Variants in SHISAL1 observed in about 807,000 individuals in gnomAD.
SHISAL1 encodes the protein protein shisa-like-1.
A neutral mutation model predicts 22.6 loss-of-function variants in SHISAL1; 9 were observed. That is an observed-to-expected ratio of 0.40 (90% CI 0.24 to 0.70). The LOEUF is 0.70. Among genes scored for constraint, SHISAL1 ranks in the 30% least tolerant of loss-of-function variants. The pLI is 0.39. For synonymous variants in SHISAL1, 119 were observed against 115.4 expected, an observed-to-expected ratio of 1.03 and a Z score of -0.20; for missense variants, 246 against 270.6, an observed-to-expected ratio of 0.91 and a Z score of 0.64.
At chr22:44,296,634 C>T in intron 3 of SHISAL1, 38 bp downstream of exon 3, 1 of 1,594,560 alleles carries the variant, frequency 6.3e-7, no homozygotes, top group Non-Finnish European at 8.6e-7. Context: ...TGCCTGGGGC[C>T]CGAGGCAGTG....
intron 4 of SHISAL1, among the ~76,000 whole-genome samples, chr22:44,257,463 C>T (rs1305513339): frequency 1.3e-5 from 2 of 151,696 alleles, no homozygotes; most frequent in Non-Finnish European, 2.9e-5. Flanking sequence ...TGATTTGTGG[C>T]ATTAATGCCA....
At chr22:44,256,934 G>C (rs749420928) in intron 4 of SHISAL1, among the ~76,000 whole-genome samples, 6 of 152,076 alleles carry the variant, frequency 3.9e-5, no homozygotes, top group Non-Finnish European at 7.3e-5. Context: ...AAGAGAAACT[G>C]TCAAATAGCA....
the SHISAL1 span, among the ~76,000 whole-genome samples, chr22:44,330,755 G>C: frequency 1.3e-5 from 2 of 152,106 alleles, no homozygotes; most frequent in East Asian, 1.9e-4. Flanking sequence ...TTGGGGTCTC[G>C]TTGCCATGGC....
chr22:44,273,800 T>A (rs2055220515), intron 4 of SHISAL1, among the ~76,000 whole-genome samples: 1 of 152,080 alleles, frequency 6.6e-6, no homozygotes, highest in South Asian at 2.1e-4. Context: ...TGTTGCTTTA[T>A]GAAAATGGCT....
intron 3 of SHISAL1, among the ~76,000 whole-genome samples, chr22:44,294,288 A>C (rs922021883): frequency 3.3e-5 from 5 of 152,164 alleles, no homozygotes; most frequent in African/African-American, 7.2e-5. Context: ...CGTGCATTTG[A>C]GGAAGGAAGG....
chr22:44,320,979 G>A, the SHISAL1 span, among the ~76,000 whole-genome samples: 2 of 152,164 alleles, frequency 1.3e-5, no homozygotes, highest in Non-Finnish European at 2.9e-5. Flanking sequence ...GGGCATCATC[G>A]TCCCCATTAT....
chr22:44,264,266 C>T lies in SHISAL1; in HGVS notation c.*-14581G>A, dbSNP rs180844106. Among the ~76,000 whole-genome samples the T allele has an allele frequency of 9.2e-5, 14 of 152,246 alleles. 1 individual carries two copies. The South Asian group carries it at 1.7e-3, about 18-fold the overall frequency. On this transcript the variant is annotated intron_variant, in intron 4 of 4. Transcript: ENST00000381176. ...AGTAGATGACTCCATTTTACAGTTG[C>T]GTAAAGTGAGGCTCAGAGCCATGCT...
rs567914569 is a variant in SHISAL1 at position 44,296,884 on chromosome 22, G to T, written c.69C>A (p.Val23=). The change falls in exon 3 of 5, where the codon GTC becomes GTA. Residue 23 remains valine (V), a splice_region_variant and synonymous_variant. Coordinates refer to ENST00000381176, the MANE Select transcript of SHISAL1 (RefSeq NM_001099294.2). ...AVLFSLLFSA[V]LSAHFRVCEP... ...CACAGACCCGGAAATGTGCAGACAA[G>T]ACTGGAAGACAGAGTCACCAGGCTC... The T allele has an allele frequency of 1.2e-6, 2 of 1,610,418 alleles. No individual in the cohort carries two copies. Among genetic ancestry groups the T allele is most frequent in the African/African-American group, 1.3e-5 (1 of 74,962 alleles).
intron 4 of SHISAL1, among the ~76,000 whole-genome samples, chr22:44,251,501 G>C (rs1470083535): frequency 6.6e-6 from 1 of 152,182 alleles, no homozygotes; most frequent in African/African-American, 2.4e-5. Flanking sequence ...TGCTGTATTA[G>C]TCCATTTTCA....
intron 4 of SHISAL1, among the ~76,000 whole-genome samples, chr22:44,262,472 T>G (rs1341085816): frequency 6.6e-6 from 1 of 152,212 alleles, no homozygotes; most frequent in East Asian, 1.9e-4. Flanking sequence ...CCGGGCACTG[T>G]GCCAAGCACC....
At chr22:44,267,985 G>T (rs1274539388) in intron 4 of SHISAL1, among the ~76,000 whole-genome samples, 2 of 152,228 alleles carry the variant, frequency 1.3e-5, no homozygotes, top group Admixed American at 6.5e-5. Context: ...ACGGCCGGAG[G>T]CTGCCCTGGC....
upstream of SHISAL1, among the ~76,000 whole-genome samples, chr22:44,314,624 C>T (rs1328671788): frequency 1.3e-5 from 2 of 152,182 alleles, no homozygotes; most frequent in East Asian, 3.9e-4. Context: ...GGTGACCCCA[C>T]CTCAGGGAGG....
chr22:44,324,345 G>A, the SHISAL1 span, among the ~76,000 whole-genome samples: 2 of 152,122 alleles, frequency 1.3e-5, no homozygotes, highest in Admixed American at 6.5e-5. Context: ...AAGAAACACC[G>A]CCACTGGTCT....
At chr22:44,331,062 C>A in the SHISAL1 span, among the ~76,000 whole-genome samples, 76,121 of 151,834 alleles carry the variant, frequency 0.5, 21,743 homozygotes, top group African/African-American at 0.77. The surrounding 1 kb of genome is among the most constrained non-coding windows in gnomAD (Gnocchi z 5.2). Context: ...GCCAGTCCCC[C>A]CCTTGGACGC....
intron 4 of SHISAL1, among the ~76,000 whole-genome samples, chr22:44,255,244 T>C (rs2055076684): frequency 6.6e-6 from 1 of 152,192 alleles, no homozygotes; most frequent in African/African-American, 2.4e-5. Flanking sequence ...TGGAGATATG[T>C]TGATGACTTT....
chr22:44,258,017 G>A (rs1313419644), intron 4 of SHISAL1, among the ~76,000 whole-genome samples: 1 of 152,224 alleles, frequency 6.6e-6, no homozygotes, highest in Non-Finnish European at 1.5e-5. Flanking sequence ...GCACACACCT[G>A]TAATCACAGC....
chr22:44,255,179 G>C (rs2055075893), intron 4 of SHISAL1, among the ~76,000 whole-genome samples: 2 of 149,710 alleles, frequency 1.3e-5, no homozygotes, highest in African/African-American at 5.1e-5. Flanking sequence ...ACTGTATGTT[G>C]ATATATATAT....
At chr22:44,250,302 A>G (rs1227504905) in intron 4 of SHISAL1, among the ~76,000 whole-genome samples, 1 of 152,226 alleles carries the variant, frequency 6.6e-6, no homozygotes. Context: ...ACCATTATGT[A>G]TTTTGGAATG....
intron 3 of SHISAL1, among the ~76,000 whole-genome samples, chr22:44,290,175 C>G (rs1011841986): frequency 6.6e-6 from 1 of 152,186 alleles, no homozygotes; most frequent in African/African-American, 2.4e-5. Context: ...CAGGCCAGAA[C>G]GAAACATCAG....
Sources: allele counts gnomAD v4.1 joint callset (sites outside exome capture counted in the v4.1 genomes callset), GRCh38; gene constraint gnomAD v4.1.1; non-coding constraint Gnocchi (gnomAD v3.1); transcripts MANE v1.5; gene names NCBI Gene and HGNC (gene_info 2026-07-23, HGNC 2026-07-21).